Variants in ABCB7 observed in about 807,000 individuals in gnomAD.
ABCB7 encodes the protein ATP binding cassette subfamily B member 7.
In ABCB7, 7 loss-of-function variants were observed where a neutral mutation model predicts 54.4. The ratio of observed to expected loss-of-function variants is 0.13; its 90% CI spans 0.07 to 0.24. The LOEUF (loss-of-function observed/expected upper bound fraction) is 0.24, where lower values mean the gene tolerates loss of function less well. Ranked by LOEUF, ABCB7 falls within the 10% of genes least tolerant of loss-of-function variation. ABCB7 has a pLI of 1.00. For synonymous variants in ABCB7, 218 were observed against 207.1 expected (o/e 1.05, Z -0.45); for missense variants, 356 against 570.4 (o/e 0.62, Z 3.83).
intron 4 of ABCB7, among the ~76,000 whole-genome samples, chrX:75,089,359 T>G (rs749207930): frequency 1.8e-5 from 2 of 111,402 alleles, no homozygotes; most frequent in Non-Finnish European, 3.8e-5. Flanking sequence ...CAACAATGTA[T>G]TGGTAATTAA....
intron 4 of ABCB7, among the ~76,000 whole-genome samples, chrX:75,091,058 C>A (rs1311838483): frequency 9.0e-6 from 1 of 111,218 alleles, no homozygotes; most frequent in Non-Finnish European, 1.9e-5. Flanking sequence ...GATGTGAATT[C>A]TCTATAATTT....
intron 1 of ABCB7, among the ~76,000 whole-genome samples, chrX:75,153,012 T>C (rs767689431): frequency 5.2e-4 from 58 of 111,654 alleles, no homozygotes; most frequent in African/African-American, 1.8e-3. Context: ...TTCAGTTCCA[T>C]GATCTATAAT....
intron 4 of ABCB7, among the ~76,000 whole-genome samples, chrX:75,081,961 G>T (rs1285676459): frequency 9.1e-6 from 1 of 110,389 alleles, no homozygotes; most frequent in Non-Finnish European, 1.9e-5. Context: ...GACCTATGGA[G>T]CTGTAACAAA....
intron 10 of ABCB7, among the ~76,000 whole-genome samples, chrX:75,069,707 T>A (rs994584203): frequency 9.2e-6 from 1 of 109,220 alleles, no homozygotes; most frequent in East Asian, 2.9e-4. Flanking sequence ...GGAGAAGGGA[T>A]AATGGGCAGG....
At chrX:75,145,211 A>G (rs1414341559) in intron 1 of ABCB7, among the ~76,000 whole-genome samples, 1 of 110,485 alleles carries the variant, frequency 9.1e-6, no homozygotes, top group Non-Finnish European at 1.9e-5. Context: ...TTGAGAAGGA[A>G]CTCCTCCCTA....
chrX:75,115,060 G>C (rs774549288), intron 1 of ABCB7, among the ~76,000 whole-genome samples: 59 of 109,486 alleles, frequency 5.4e-4, no homozygotes, highest in Non-Finnish European at 9.1e-4. Flanking sequence ...ACGAGGTCTG[G>C]AGATCGAGAC....
intron 4 of ABCB7, among the ~76,000 whole-genome samples, chrX:75,091,751 T>C (rs1485814708): frequency 1.8e-5 from 2 of 109,734 alleles, no homozygotes; most frequent in Non-Finnish European, 3.8e-5. Context: ...CAAGGTCATA[T>C]ACAAAAGTCA....
At chrX:75,122,819 T>A (rs2081890958) in intron 1 of ABCB7, among the ~76,000 whole-genome samples, 1 of 109,513 alleles carries the variant, frequency 9.1e-6, no homozygotes, top group South Asian at 4.0e-4. Flanking sequence ...ATGTCTTCTT[T>A]GAAAAGTGTC....
chrX:75,061,967 T>G (rs2081285177), intron 14 of ABCB7, among the ~76,000 whole-genome samples: 1 of 112,585 alleles, frequency 8.9e-6, no homozygotes, highest in Non-Finnish European at 1.9e-5. Context: ...CCATGACTAT[T>G]TTAATGAGTG....
At chrX:75,081,839 T>A (rs1369371073) in intron 4 of ABCB7, among the ~76,000 whole-genome samples, 1 of 110,501 alleles carries the variant, frequency 9.0e-6, no homozygotes, top group Non-Finnish European at 1.9e-5. Context: ...AAGCAGATGT[T>A]CTAGTAGTCA....
At chrX:75,109,923 C>T (rs1440441541) in intron 3 of ABCB7, among the ~76,000 whole-genome samples, 5 of 111,812 alleles carry the variant, frequency 4.5e-5, no homozygotes, top group African/African-American at 6.5e-5. Context: ...CGAGTTCAGT[C>T]GATGTCTAAA....
At chrX:75,144,018 CCT>C (rs1314770884) in intron 1 of ABCB7, among the ~76,000 whole-genome samples, 1 of 111,414 alleles carries the variant, frequency 9.0e-6, no homozygotes, top group Non-Finnish European at 1.9e-5. Flanking sequence ...GCTTCAAAGC[CCT>C]GTCTTCTTTC....
At chrX:75,148,991 A>T (rs1199164397) in intron 1 of ABCB7, among the ~76,000 whole-genome samples, 1 of 111,936 alleles carries the variant, frequency 8.9e-6, no homozygotes, top group African/African-American at 3.2e-5. Flanking sequence ...ATATTATAGT[A>T]TAAGTTACTC....
intron 3 of ABCB7, 69 bp from the exon 4 acceptor site, chrX:75,099,130 T>C (rs1443085759): frequency 1.1e-5 from 12 of 1,072,181 alleles, no homozygotes; most frequent in Non-Finnish European, 1.5e-5. Context: ...TTCAATAACG[T>C]AGAATTTATA....
rs141915754 is a variant in ABCB7, at chrX:75,115,019, T to C, written c.169-188A>G. ...GCCTGGTGGCTCACGCCTATAATCC[T>C]GGCACTTTGGGAGGCTAAGGCGGGC... is the stretch of plus-strand genomic sequence containing the variant. On this transcript the variant is annotated intron_variant, in intron 1 of 15. Coordinates refer to ENST00000373394, the MANE Select transcript of ABCB7 (RefSeq NM_001271696.3). Among the ~76,000 whole-genome samples, 78 of 110,960 alleles carry C rather than the reference T, an allele frequency of 7.0e-4. No homozygotes were observed. The East Asian group carries it at 0.015, about 21-fold the overall frequency.
intron 4 of ABCB7, among the ~76,000 whole-genome samples, chrX:75,086,707 A>G (rs147324224): frequency 2.0e-4 from 22 of 112,287 alleles, no homozygotes; most frequent in Non-Finnish European, 3.8e-4. Context: ...AAGGCAAAGC[A>G]AAGATAAAAG....
rs1305118576 is a variant in ABCB7 at position 75,069,407 on chromosome X, G to A, written c.1413C>T (p.Thr471=). The change falls in exon 11 of 16, where the codon ACC becomes ACT. Residue 471 remains threonine (T), a synonymous_variant. Transcript: ENST00000373394. ...SPLQITPQTA[T]VAFDNVHFEY... is the part of the protein sequence containing the mutation. The stretch of plus-strand genomic sequence containing the variant: ...CAAAATGCACATTATCAAAGGCCAC[G>A]GTAGCTGTCTGTGGTGTGATCTGAA... The A allele has an allele frequency of 4.1e-6, 5 of 1,208,183 alleles. No homozygotes were observed. In the South Asian group the frequency reaches 5.3e-5, roughly 13 times the overall value.
intron 15 of ABCB7, among the ~76,000 whole-genome samples, chrX:75,059,403 C>T (rs1262205928): frequency 2.8e-5 from 3 of 107,413 alleles, no homozygotes; most frequent in Admixed American, 1.0e-4. Flanking sequence ...CCCAGGAGTT[C>T]GAGGCTGCAG....
chrX:75,053,287 G>A lies in ABCB7; in HGVS notation c.*83C>T. ...AAGAAGGATTATAGAAAATGGGAATGTATGATTTTTTTAATAAAACAATTC... is the reference window on the plus strand; with the variant it reads ...AAGAAGGATTATAGAAAATGGGAATATATGATTTTTTTAATAAAACAATTC... On this transcript the variant is annotated 3_prime_UTR_variant, in exon 16 of 16. Transcript: ENST00000373394. The A allele has an allele frequency of 2.7e-6, 3 of 1,114,385 alleles. No homozygotes were observed. The highest frequency in any genetic ancestry group is 3.7e-6 in the Non-Finnish European group (3 of 818,921). 91.8% of individuals were successfully genotyped at this position (1,114,385 alleles called of 1,213,427 possible). A position where few individuals can be genotyped will look rare whatever the true frequency, so the allele number is the denominator to read the frequency against.
Sources: gnomAD v4.1 joint callset for allele counts (sites outside exome capture counted in the v4.1 genomes callset) on GRCh38, gnomAD v4.1.1 for gene constraint, MANE v1.5 for transcripts, NCBI Gene and HGNC (gene_info 2026-07-23, HGNC 2026-07-21) for gene names.